Variants in CABLES1 observed in about 807,000 individuals in gnomAD.
CABLES1 encodes the protein CDK5 and ABL1 enzyme substrate 1.
A neutral mutation model predicts 57.8 loss-of-function variants in CABLES1; 36 were observed. That is an observed-to-expected ratio of 0.62 (90% confidence interval 0.48 to 0.82). The LOEUF (loss-of-function observed/expected upper bound fraction) is 0.82, where lower values mean the gene tolerates loss of function less well. Among genes scored for constraint, CABLES1 ranks in the 40% least tolerant of loss-of-function variants. The pLI is 0.00. For missense variants in CABLES1, 767 were observed against 836.6 expected, an observed-to-expected ratio of 0.92 and a Z score of 1.03; for synonymous variants, 374 against 363.0, an observed-to-expected ratio of 1.03 and a Z score of -0.35.
rs1020115374 is a variant in CABLES1, at chr18:23,259,202, C to T, written c.*1835C>T. The T allele has an allele frequency of 6.6e-6, 1 of 152,274 alleles. No homozygotes were observed. The highest frequency in any genetic ancestry group is 2.1e-4 in the South Asian group (1 of 4,830). The allele number at this position is 152,274 out of a possible 1,614,324, so 9.4% of individuals were successfully genotyped here. On this transcript the variant is annotated 3_prime_UTR_variant, in exon 10 of 10. Transcript: ENST00000256925. ...CTTGCATCTCTGATAAGCCATCCAC[C>T]TTCCTGGTCAGTGCCTACAGGGGGA...
chr18:23,240,978 C>T (rs2047721801), intron 7 of CABLES1, among the ~76,000 whole-genome samples: 1 of 152,208 alleles, frequency 6.6e-6, no homozygotes, highest in African/African-American at 2.4e-5. Context: ...ATTCTGTAAC[C>T]ACTGCTCTGA....
At chr18:23,192,462 C>T (rs750423854) in intron 2 of CABLES1, among the ~76,000 whole-genome samples, 7 of 152,230 alleles carry the variant, frequency 4.6e-5, no homozygotes, top group Middle Eastern at 3.4e-3. Context: ...GGCCATCCTT[C>T]GTCTGTGCTG....
intron 4 of CABLES1, 126 bp from the exon 5 acceptor site, chr18:23,234,482 C>T (rs1197563958): frequency 2.8e-6 from 2 of 714,228 alleles, no homozygotes; most frequent in Non-Finnish European, 5.0e-6. Context: ...AACGGGCTGT[C>T]CCATCACCAG....
rs572484071 is a variant in CABLES1 at position 23,149,409 on chromosome 18, G to A, written c.845+12802G>A. Among the ~76,000 whole-genome samples, 218 of 152,136 alleles carry A rather than the reference G, an allele frequency of 1.4e-3. 2 individuals carry two copies. The highest frequency in any genetic ancestry group is 5.1e-3 in the African/African-American group (213 of 41,496). The stretch of plus-strand genomic sequence containing the variant: ...CCACCTTCCCACCTCAGCCTCCTCA[G>A]TACTTGGGACCCACAGGTATGTGCC... On this transcript the variant is annotated intron_variant, in intron 1 of 9. Transcript: ENST00000256925.
chr18:23,217,742 C>T (rs2047452570), intron 4 of CABLES1, among the ~76,000 whole-genome samples: 1 of 152,224 alleles, frequency 6.6e-6, no homozygotes, highest in Non-Finnish European at 1.5e-5. Flanking sequence ...TTTTAAACAA[C>T]TTCAGTTCAT....
chr18:23,136,649 G>C, intron 1 of CABLES1, 42 bp downstream of exon 1: 1 of 1,248,016 alleles, frequency 8.0e-7, no homozygotes, highest in Non-Finnish European at 1.0e-6. Flanking sequence ...CCTGCGTCCC[G>C]CCCGGCGCTC....
chr18:23,144,212 C>T (rs2144952169), intron 1 of CABLES1, among the ~76,000 whole-genome samples: 2 of 152,362 alleles, frequency 1.3e-5, no homozygotes, highest in South Asian at 4.1e-4. Context: ...GAGGGCCCCT[C>T]CTCCGTGGTC....
At chr18:23,231,061 G>T (rs2047564176) in intron 4 of CABLES1, among the ~76,000 whole-genome samples, 1 of 152,156 alleles carries the variant, frequency 6.6e-6, no homozygotes, top group African/African-American at 2.4e-5. Flanking sequence ...ATCTTGCACT[G>T]CTGCTCCCTC....
chr18:23,202,133 C>G (rs1413275785), intron 3 of CABLES1, among the ~76,000 whole-genome samples: 1 of 152,198 alleles, frequency 6.6e-6, no homozygotes, highest in African/African-American at 2.4e-5. Flanking sequence ...AGGTGGGAAC[C>G]ACGCAGTGTG....
intron 4 of CABLES1, among the ~76,000 whole-genome samples, chr18:23,231,748 A>G (rs2047568404): frequency 6.6e-6 from 1 of 151,706 alleles, no homozygotes; most frequent in Admixed American, 6.6e-5. Flanking sequence ...AGAATCTTGG[A>G]CTTTATACGA....
chr18:23,255,114 G>A (rs1047935017), intron 9 of CABLES1, among the ~76,000 whole-genome samples: 2 of 152,170 alleles, frequency 1.3e-5, no homozygotes, highest in African/African-American at 4.8e-5. Context: ...AAGGGCAGGT[G>A]GATAGTGGCC....
At chr18:23,237,783 G>A (rs2047639035) in intron 7 of CABLES1, among the ~76,000 whole-genome samples, 2 of 152,234 alleles carry the variant, frequency 1.3e-5, no homozygotes, top group Non-Finnish European at 2.9e-5. Context: ...TGTAATTTTG[G>A]TTTCTGCTCT....
intron 2 of CABLES1, among the ~76,000 whole-genome samples, chr18:23,192,545 C>T (rs1186156032): frequency 3.3e-5 from 5 of 152,118 alleles, no homozygotes; most frequent in African/African-American, 7.2e-5. Context: ...GCAGGATCTG[C>T]GAGCCGCCTG....
At chr18:23,144,747 T>G (rs755803908) in intron 1 of CABLES1, among the ~76,000 whole-genome samples, 1 of 152,176 alleles carries the variant, frequency 6.6e-6, no homozygotes, top group Non-Finnish European at 1.5e-5. Context: ...GTCTTGGAGC[T>G]GACTCCTACC....
chr18:23,233,290 G>A (rs1396286174), intron 4 of CABLES1, among the ~76,000 whole-genome samples: 2 of 152,162 alleles, frequency 1.3e-5, no homozygotes, highest in African/African-American at 4.8e-5. Flanking sequence ...AAAAATTACC[G>A]TAGGGGAAGG....
chr18:23,213,101 A>G (rs1257585814), intron 3 of CABLES1, among the ~76,000 whole-genome samples: 1 of 152,172 alleles, frequency 6.6e-6, no homozygotes, highest in Non-Finnish European at 1.5e-5. Flanking sequence ...ATTTAATTTC[A>G]TAGTGTTACA....
At chr18:23,136,692 A>G (rs1289638764) in intron 1 of CABLES1, 85 bp downstream of exon 1, 3 of 906,638 alleles carry the variant, frequency 3.3e-6, no homozygotes, top group African/African-American at 1.7e-5. Flanking sequence ...GCTACGGGAC[A>G]CGGGTTGCTC....
chr18:23,232,785 T>G (rs1235349938), intron 4 of CABLES1, among the ~76,000 whole-genome samples: 1 of 152,296 alleles, frequency 6.6e-6, no homozygotes, highest in African/African-American at 2.4e-5. Context: ...TTAATTAGAC[T>G]CCACATTATG....
chr18:23,236,508 T>A (rs993496773), intron 6 of CABLES1, among the ~76,000 whole-genome samples: 3 of 152,162 alleles, frequency 2.0e-5, no homozygotes, highest in African/African-American at 7.2e-5. Context: ...CTTGCATGCT[T>A]CCAGCTTTGC....
Sources: allele counts gnomAD v4.1 joint callset (sites outside exome capture counted in the v4.1 genomes callset), GRCh38; gene constraint gnomAD v4.1.1; transcripts MANE v1.5; gene names NCBI Gene and HGNC (gene_info 2026-07-23, HGNC 2026-07-21).